SLC35F1: variants seen among roughly 807,000 people sequenced by gnomAD.
SLC35F1 encodes solute carrier family 35 member F1.
In SLC35F1, 14 loss-of-function variants were observed where a neutral mutation model predicts 48.7. The observed-to-expected ratio is 0.29, with a 90% confidence interval of 0.19 to 0.45. The LOEUF is 0.45. Among genes scored for constraint, SLC35F1 ranks in the 20% least tolerant of loss-of-function variants. The pLI, the probability that SLC35F1 is intolerant of heterozygous loss-of-function variation, is 1.00. For synonymous variants in SLC35F1, 190 were observed against 202.2 expected, an observed-to-expected ratio of 0.94 and a Z score of 0.51; for missense variants, 404 against 500.0, an observed-to-expected ratio of 0.81 and a Z score of 1.83.
intron 1 of SLC35F1, among the ~76,000 whole-genome samples, chr6:118,123,101 C>CCT (rs529085011): frequency 6.6e-6 from 1 of 151,528 alleles, no homozygotes; most frequent in Non-Finnish European, 1.5e-5. Flanking sequence ...CTCAAAAGCC[C>CCT]TTTTTTTTGT....
At chr6:117,994,111 G>A (rs2114860228) in intron 1 of SLC35F1, among the ~76,000 whole-genome samples, 1 of 152,134 alleles carries the variant, frequency 6.6e-6, no homozygotes, top group East Asian at 1.9e-4. Flanking sequence ...AGTTCCCTGT[G>A]GTTGTAGGAC....
intron 7 of SLC35F1, among the ~76,000 whole-genome samples, chr6:118,312,265 A>T (rs1032364871): frequency 1.3e-5 from 2 of 152,200 alleles, no homozygotes; most frequent in South Asian, 4.1e-4. Flanking sequence ...ATTTGAAATG[A>T]TGGTAATGTT....
chr6:118,187,571 C>T (rs1377293826), intron 2 of SLC35F1, among the ~76,000 whole-genome samples: 5 of 152,092 alleles, frequency 3.3e-5, no homozygotes, highest in African/African-American at 1.2e-4. Flanking sequence ...CCTAGTTATC[C>T]AGCGCGTGGG....
chr6:118,178,146 G>A (rs887065604), intron 2 of SLC35F1, among the ~76,000 whole-genome samples: 1 of 151,976 alleles, frequency 6.6e-6, no homozygotes, highest in Non-Finnish European at 1.5e-5. Flanking sequence ...TCAAATTCCT[G>A]GGATCGCTGC....
intron 6 of SLC35F1, among the ~76,000 whole-genome samples, chr6:118,284,486 A>G (rs1776026407): frequency 6.6e-6 from 1 of 152,168 alleles, no homozygotes; most frequent in South Asian, 2.1e-4. Flanking sequence ...TTTGAGGATG[A>G]GAGATTGGCC....
At chr6:118,258,229 C>T (rs890566420) in intron 3 of SLC35F1, among the ~76,000 whole-genome samples, 2 of 152,118 alleles carry the variant, frequency 1.3e-5, no homozygotes, top group Admixed American at 6.5e-5. Flanking sequence ...GAAAAGCTAA[C>T]AGTAGGCTAA....
At chr6:118,180,525 A>C (rs1261713338) in intron 2 of SLC35F1, among the ~76,000 whole-genome samples, 1 of 152,140 alleles carries the variant, frequency 6.6e-6, no homozygotes, top group Non-Finnish European at 1.5e-5. Flanking sequence ...TGAAAAAAAC[A>C]ACAAATAGAA....
rs1038671499 is a variant in SLC35F1, at chr6:117,907,926, C to T, written c.173+27C>T. ...TGAGCGGCGGCGCCGGGCGAGGGCG[C>T]GGGGGGCGGGGGCTGCGGGCGCCCG... On this transcript the variant is annotated intron_variant, in intron 1 of 7. Transcript: ENST00000360388. 6 of 1,302,616 alleles carry T rather than the reference C, an allele frequency of 4.6e-6. No individual in the cohort carries two copies. In the African/African-American group the frequency reaches 4.7e-5, roughly 10 times the overall value. 80.7% of individuals were successfully genotyped at this position (1,302,616 alleles called of 1,614,324 possible).
At chr6:118,070,861 A>T (rs984039273) in intron 1 of SLC35F1, among the ~76,000 whole-genome samples, 1 of 134,860 alleles carries the variant, frequency 7.4e-6, no homozygotes, top group African/African-American at 2.9e-5. Flanking sequence ...TACACATAGG[A>T]TATATATACT....
rs189322058 is a variant in SLC35F1, at chr6:118,110,928, G to A, written c.174-43517G>A. Among the ~76,000 whole-genome samples, 507 of 152,198 alleles carry A rather than the reference G, an allele frequency of 3.3e-3. 5 individuals carry two copies. The highest frequency in any genetic ancestry group is 0.024 in the South Asian group (117 of 4,808). On this transcript the variant is annotated intron_variant, in intron 1 of 7. Transcript: ENST00000360388. ...CTTTTTCCCTTCCTCCAGGGGTGTTGTTGGGCTTTGGTAAAACCCCAGGTG... is the reference window on the plus strand; with the variant it reads ...CTTTTTCCCTTCCTCCAGGGGTGTTATTGGGCTTTGGTAAAACCCCAGGTG...
intron 1 of SLC35F1, among the ~76,000 whole-genome samples, chr6:118,013,094 A>G (rs749148267): frequency 2.1e-4 from 32 of 152,148 alleles, no homozygotes; most frequent in Admixed American, 8.5e-4. Flanking sequence ...CTGCAGCTCA[A>G]TGAAGAGTTG....
At chr6:118,116,215 A>G (rs11153722) in intron 1 of SLC35F1, among the ~76,000 whole-genome samples, 49,947 of 152,028 alleles carry the variant, frequency 0.33, 9,271 homozygotes, top group Non-Finnish European at 0.43. Context: ...GGAGAATGAG[A>G]ATTGTGAAAG....
At chr6:118,069,765 C>T (rs979573240) in intron 1 of SLC35F1, among the ~76,000 whole-genome samples, 5 of 152,292 alleles carry the variant, frequency 3.3e-5, no homozygotes, top group African/African-American at 1.2e-4. Flanking sequence ...TAAAAATGAA[C>T]TTTGTCCCTT....
intron 1 of SLC35F1, among the ~76,000 whole-genome samples, chr6:118,120,402 A>G (rs1379441132): frequency 6.6e-6 from 1 of 152,228 alleles, no homozygotes; most frequent in African/African-American, 2.4e-5. Context: ...ATTTTTAGAA[A>G]TACATGTTGA....
rs548176888 is a variant in SLC35F1, at chr6:118,109,753, A to G, written c.174-44692A>G. ...CAGGACATCTCACAAACTATGCCAGACACACCAGGAGCTGGGCTCTCTAAG... is the reference window on the plus strand; with the variant it reads ...CAGGACATCTCACAAACTATGCCAGGCACACCAGGAGCTGGGCTCTCTAAG... On this transcript the variant is annotated intron_variant, in intron 1 of 7. Transcript: ENST00000360388. Among the ~76,000 whole-genome samples the G allele has an allele frequency of 3.3e-5, 5 of 152,242 alleles. No individual in the cohort carries two copies. The East Asian group carries it at 9.6e-4, about 29-fold the overall frequency.
intron 2 of SLC35F1, among the ~76,000 whole-genome samples, chr6:118,184,652 C>A (rs1774631722): frequency 6.6e-6 from 1 of 152,156 alleles, no homozygotes; most frequent in South Asian, 2.1e-4. Flanking sequence ...TCTTCACACA[C>A]ACAAAAATAA....
chr6:118,072,011 A>G (rs1185610003), intron 1 of SLC35F1, among the ~76,000 whole-genome samples: 3 of 152,064 alleles, frequency 2.0e-5, no homozygotes, highest in Non-Finnish European at 4.4e-5. Flanking sequence ...TTGCTAATTT[A>G]TTTCTCTATT....
At chr6:118,253,019 A>G (rs1185743050) in intron 3 of SLC35F1, among the ~76,000 whole-genome samples, 1 of 152,102 alleles carries the variant, frequency 6.6e-6, no homozygotes, top group Non-Finnish European at 1.5e-5. Flanking sequence ...CACATTAGAT[A>G]AGTAGGTGGT....
chr6:118,024,381 A>G lies in SLC35F1; in HGVS notation c.173+116482A>G, dbSNP rs182941906. 3.0e-4 allele frequency among the ~76,000 whole-genome samples: 46 copies of G among 152,382 alleles called. No homozygotes were observed. In the East Asian group the frequency reaches 7.1e-3, roughly 24 times the overall value. ...CTCATTAAGATGAAAAGAAAAGCAT[A>G]TAATTTTAGCAATGGAGAATGACTT... On this transcript the variant is annotated intron_variant, in intron 1 of 7. Transcript: ENST00000360388.
Sources: gnomAD v4.1 joint callset for allele counts (sites outside exome capture counted in the v4.1 genomes callset) on GRCh38, gnomAD v4.1.1 for gene constraint, MANE v1.5 for transcripts, NCBI Gene and HGNC (gene_info 2026-07-23, HGNC 2026-07-21) for gene names.